The following NELL1 variants were observed in gnomAD, a reference collection of about 807,000 sequenced individuals.
The protein encoded by NELL1 is protein kinase C-binding protein NELL1.
Under a neutral mutation model 107.4 loss-of-function variants are expected in NELL1, and 76 were observed. That is an observed-to-expected ratio of 0.71 (90% CI 0.59 to 0.86). The LOEUF (loss-of-function observed/expected upper bound fraction) is 0.86. Ranked by LOEUF, NELL1 falls within the 40% of genes least tolerant of loss-of-function variation. The pLI, the probability that NELL1 is intolerant of heterozygous loss-of-function variation, is 0.00. For synonymous variants in NELL1, 353 were observed against 341.2 expected (o/e 1.03, Z -0.38); for missense variants, 1,024 against 1,005.5 (o/e 1.02, Z -0.25).
intron 2 of NELL1, among the ~76,000 whole-genome samples, chr11:20,716,650 A>G (rs1855257331): frequency 6.6e-6 from 1 of 152,196 alleles, no homozygotes; most frequent in Non-Finnish European, 1.5e-5. Context: ...GTCTAGTGGC[A>G]AAATGTGAAG....
intron 5 of NELL1, among the ~76,000 whole-genome samples, chr11:20,895,005 C>T (rs1414761993): frequency 1.4e-5 from 2 of 143,416 alleles, no homozygotes; most frequent in Non-Finnish European, 2.9e-5. Context: ...GGCGCGGTGG[C>T]TCACGCCTGT....
chr11:21,307,805 A>G (rs953621783), intron 14 of NELL1, among the ~76,000 whole-genome samples: 3 of 152,064 alleles, frequency 2.0e-5, no homozygotes, highest in African/African-American at 7.2e-5. Context: ...TTAAGCAAGC[A>G]GATTGAGCCA....
intron 9 of NELL1, among the ~76,000 whole-genome samples, chr11:20,929,747 G>A (rs981380654): frequency 1.3e-5 from 2 of 152,034 alleles, no homozygotes; most frequent in Admixed American, 6.6e-5. Flanking sequence ...CGAGGCCGTC[G>A]GATCACCTGA....
intron 12 of NELL1, among the ~76,000 whole-genome samples, chr11:21,091,185 C>G (rs1475100676): frequency 1.3e-5 from 2 of 152,162 alleles, no homozygotes; most frequent in Non-Finnish European, 2.9e-5. Flanking sequence ...AAGATCTTTT[C>G]TGGAGCTGGG....
chr11:20,899,918 G>C (rs1849836089), intron 5 of NELL1, among the ~76,000 whole-genome samples: 1 of 151,986 alleles, frequency 6.6e-6, no homozygotes, highest in Non-Finnish European at 1.5e-5. Flanking sequence ...GGTAGTCTTA[G>C]CTTCATTAAA....
intron 16 of NELL1, among the ~76,000 whole-genome samples, chr11:21,551,294 C>A (rs944771962): frequency 2.0e-5 from 3 of 152,000 alleles, no homozygotes; most frequent in African/African-American, 7.2e-5. Flanking sequence ...CAAACAGGGA[C>A]AATTTGACTT....
intron 12 of NELL1, among the ~76,000 whole-genome samples, chr11:21,046,677 A>ATTATTTATTTATTTATTTAT (rs34098589): frequency 5.6e-5 from 8 of 143,548 alleles, no homozygotes; most frequent in Admixed American, 7.1e-5. Flanking sequence ...TATTTACTCA[A>ATTATTTATTTATTTATTTAT]TTATTTATTT....
rs1191535125 is a variant in NELL1, at chr11:21,555,585, C to G, written c.1787-4604C>G. ...GTCATTGCAGAGTAAGAAAATTATA[C>G]ACCAAACAAGGGAACACCATAGGAA... On this transcript the variant is annotated intron_variant, in intron 16 of 19. Transcript: ENST00000357134. 2.0e-5 allele frequency among the ~76,000 whole-genome samples: 3 copies of G among 151,928 alleles called. No homozygotes were observed. The East Asian group carries it at 5.9e-4, about 30-fold the overall frequency.
chr11:20,713,588 G>A (rs1289368401), intron 2 of NELL1, among the ~76,000 whole-genome samples: 1 of 152,026 alleles, frequency 6.6e-6, no homozygotes, highest in African/African-American at 2.4e-5. Flanking sequence ...TTCAGGCCTT[G>A]CCCCCTCCCT....
In NELL1 at chr11:21,056,481, G is replaced by A. The variant is rs148621431; in HGVS notation, c.1301-57108G>A. Reference sequence around the variant, plus strand: ...ACCTTCCCTTTCTGACCTCAGTGTTGTCATCTAAAAAAATGAGGGAGGATT... The same window carrying A: ...ACCTTCCCTTTCTGACCTCAGTGTTATCATCTAAAAAAATGAGGGAGGATT... On this transcript the variant is annotated intron_variant, in intron 12 of 19. Coordinates refer to ENST00000357134, the MANE Select transcript of NELL1 (RefSeq NM_006157.5). Among the ~76,000 whole-genome samples, 12 of 152,010 alleles carry A rather than the reference G, an allele frequency of 7.9e-5. No homozygotes were observed. In the East Asian group the frequency reaches 2.3e-3, roughly 29 times the overall value.
intron 14 of NELL1, among the ~76,000 whole-genome samples, chr11:21,277,309 C>G (rs1351227761): frequency 2.6e-5 from 4 of 152,230 alleles, no homozygotes; most frequent in Middle Eastern, 3.4e-3. Context: ...TGCTCATCAT[C>G]ACTGGCCATC....
intron 15 of NELL1, among the ~76,000 whole-genome samples, chr11:21,413,510 C>T (rs1210660981): frequency 6.6e-6 from 1 of 152,098 alleles, no homozygotes; most frequent in Non-Finnish European, 1.5e-5. Flanking sequence ...ATTCCCTCAT[C>T]TTACTTTCAC....
At chr11:20,941,576 A>G (rs772717724) in intron 10 of NELL1, among the ~76,000 whole-genome samples, 7 of 152,170 alleles carry the variant, frequency 4.6e-5, no homozygotes, top group Non-Finnish European at 7.3e-5. Context: ...ATAACGGAAG[A>G]CAATTATAGG....
At chr11:21,530,298 C>G (rs1049670047) in intron 15 of NELL1, among the ~76,000 whole-genome samples, 58 of 152,024 alleles carry the variant, frequency 3.8e-4, no homozygotes, top group African/African-American at 1.4e-3. Flanking sequence ...TTGAGAAAAC[C>G]TTTATTGGTT....
chr11:21,158,565 T>G (rs1328940357), intron 13 of NELL1, among the ~76,000 whole-genome samples: 2 of 152,248 alleles, frequency 1.3e-5, no homozygotes, highest in Non-Finnish European at 2.9e-5. Context: ...ACATTCTATA[T>G]CTTTACCCTT....
intron 1 of NELL1, among the ~76,000 whole-genome samples, chr11:20,672,997 G>A (rs112661353): frequency 0.02 from 2,409 of 121,318 alleles, 104 homozygotes; most frequent in African/African-American, 0.077. Context: ...CGAGTAGCTG[G>A]GATTACAGGC....
intron 13 of NELL1, among the ~76,000 whole-genome samples, chr11:21,169,357 A>G (rs7113727): frequency 0.78 from 118,160 of 151,600 alleles, 46,379 homozygotes; most frequent in Admixed American, 0.83. Flanking sequence ...AAAGAACAGC[A>G]TGTTCTTATT....
intron 15 of NELL1, among the ~76,000 whole-genome samples, chr11:21,391,193 G>A: frequency 6.6e-6 from 1 of 151,700 alleles, no homozygotes; most frequent in East Asian, 2.0e-4. Context: ...TAAGTGTGTT[G>A]TCACATTTTT....
intron 12 of NELL1, among the ~76,000 whole-genome samples, chr11:21,056,817 C>G (rs1290044477): frequency 6.6e-6 from 1 of 152,056 alleles, no homozygotes; most frequent in Non-Finnish European, 1.5e-5. Flanking sequence ...TAGAGATTAT[C>G]TAGCACAGAT....
Sources: gnomAD v4.1 joint callset for allele counts (sites outside exome capture counted in the v4.1 genomes callset) on GRCh38, gnomAD v4.1.1 for gene constraint, MANE v1.5 for transcripts, NCBI Gene and HGNC (gene_info 2026-07-23, HGNC 2026-07-21) for gene names.